RPL30: variants seen among roughly 807,000 people sequenced by gnomAD.
RPL30 encodes large ribosomal subunit protein eL30.
For synonymous variants in RPL30, 40 were observed against 50.4 expected, an observed-to-expected ratio of 0.79 and a Z score of 0.87; for missense variants, 60 against 138.0, an observed-to-expected ratio of 0.43 and a Z score of 2.83.
chr8:98,042,846 C>CTT (rs1814404408), intron 3 of RPL30, 71 bp from the exon 4 acceptor site: 12 of 1,397,792 alleles, frequency 8.6e-6, no homozygotes, highest in Non-Finnish European at 1.1e-5. Context: ...GTTACTACTT[C>CTT]TTTTACTAGT....
At chr8:98,044,908 G>A in intron 3 of RPL30, 35 bp downstream of exon 3, 3 of 1,603,098 alleles carry the variant, frequency 1.9e-6, no homozygotes, top group Non-Finnish European at 2.6e-6. Context: ...CGATGAATTC[G>A]CGGTAGGCGA....
intron 3 of RPL30, chr8:98,043,483 G>A (rs1814420008): frequency 6.7e-6 from 1 of 148,972 alleles, no homozygotes; most frequent in Admixed American, 6.7e-5. Context: ...AGTAAGTGGA[G>A]GATCCAGAAT....
intron 4 of RPL30, chr8:98,042,131 G>T (rs758986435): frequency 3.2e-6 from 2 of 625,768 alleles, no homozygotes; most frequent in South Asian, 2.8e-5. Context: ...AAAGAACTAG[G>T]TTTGGGGACA....
intron 2 of RPL30, 87 bp downstream of exon 2, chr8:98,045,260 G>A: frequency 6.3e-7 from 1 of 1,588,824 alleles, no homozygotes; most frequent in Non-Finnish European, 8.6e-7. Context: ...CAGGCATGCT[G>A]TCACCCCCGT....
At position 98,045,399 on chromosome 8, in the gene RPL30, C is replaced by T. The variant is rs777764208; in HGVS notation, c.-32G>A. 3.1e-6 allele frequency: 5 copies of T among 1,613,868 alleles called. No individual in the cohort carries two copies. The highest frequency in any genetic ancestry group is 4.2e-6 in the Non-Finnish European group (5 of 1,179,912). On this transcript the variant is annotated splice_region_variant and 5_prime_UTR_variant, in exon 2 of 5. Transcript: ENST00000287038. ...GCCTTAGGAGCGGGACGGCCCCCAA[C>T]CTAGAAGAGACAGAGAACAGGACAG...
At chr8:98,042,026 A>C in intron 4 of RPL30, 176 bp from the exon 5 acceptor site, 1 of 717,848 alleles carries the variant, frequency 1.4e-6, no homozygotes, top group Non-Finnish European at 2.5e-6. Context: ...AGGTTGACCA[A>C]AGATAACCTA....
At chr8:98,044,478 A>C (rs1461682501) in intron 3 of RPL30, 1 of 156,926 alleles carries the variant, frequency 6.4e-6, no homozygotes, top group African/African-American at 2.4e-5. Context: ...TCAAGCATAA[A>C]TCTTGACTCA....
At position 98,044,645 on chromosome 8, in the gene RPL30, G is replaced by A. The variant is rs1333905517; in HGVS notation, c.167+298C>T. On this transcript the variant is annotated intron_variant, in intron 3 of 4. Coordinates refer to ENST00000287038, the MANE Select transcript of RPL30 (RefSeq NM_000989.4). ...AAAGCTAAAAGAACCAAAAAAGCAG[G>A]ACACAAAATACATGGAAAAAACAGT... 9.1e-6 allele frequency: 3 copies of A among 331,004 alleles called. No homozygotes were observed. The East Asian group carries it at 1.7e-4, about 18-fold the overall frequency. 20.5% of individuals were successfully genotyped at this position (331,004 alleles called of 1,614,324 possible).
intron 4 of RPL30, 61 bp from the exon 5 acceptor site, chr8:98,041,911 T>A (rs141159921): frequency 2.5e-6 from 3 of 1,204,150 alleles, no homozygotes; most frequent in Non-Finnish European, 3.6e-6. Flanking sequence ...ACTGGTACCA[T>A]AAAATTTCTC....
rs1472872617 is a variant in RPL30, at chr8:98,041,786, T to A, written c.*15A>T. ...GGTTTAAGGTTTGCAGGTGAAATTTTGTAGGTGAAAAGGTTTACTTTTCAC... is the reference window on the plus strand; with the variant it reads ...GGTTTAAGGTTTGCAGGTGAAATTTAGTAGGTGAAAAGGTTTACTTTTCAC... On this transcript the variant is annotated 3_prime_UTR_variant, in exon 5 of 5. Coordinates refer to ENST00000287038, the MANE Select transcript of RPL30 (RefSeq NM_000989.4). The A allele has an allele frequency of 3.3e-5, 52 of 1,580,662 alleles. No individual in the cohort carries two copies. Among genetic ancestry groups the A allele is most frequent in the Non-Finnish European group, 4.4e-5 (51 of 1,160,630 alleles).
chr8:98,045,520 C>T lies in RPL30; in HGVS notation c.-45G>A. 1 of 715,170 alleles carries T rather than the reference C, an allele frequency of 1.4e-6. No individual in the cohort carries two copies. The highest frequency in any genetic ancestry group is 2.5e-5 in the Admixed American group (1 of 39,690). The allele number at this position is 715,170 out of a possible 1,614,324, so 44.3% of individuals were successfully genotyped here. On this transcript the variant is annotated 5_prime_UTR_variant, in exon 1 of 5. Coordinates refer to ENST00000287038, the MANE Select transcript of RPL30 (RefSeq NM_000989.4). ...GGAGCCCACTCACCAACAGCAGCCG[C>T]TAAGATGGCCGGGGAACGAGAAAGG... is the stretch of plus-strand genomic sequence containing the variant.
At chr8:98,042,119 G>A (rs930199803) in intron 4 of RPL30, 1 of 637,876 alleles carries the variant, frequency 1.6e-6, no homozygotes, top group Admixed American at 1.8e-5. Flanking sequence ...CCAGACCTAG[G>A]GAAAGAACTA....
chr8:98,045,391 G>A lies in RPL30; in HGVS notation c.-24C>T. On this transcript the variant is annotated 5_prime_UTR_variant, in exon 2 of 5. Transcript: ENST00000287038. ...ATCTTCCTGCCTTAGGAGCGGGACGGCCCCCAACCTAGAAGAGACAGAGAA... is the reference window on the plus strand; with the variant it reads ...ATCTTCCTGCCTTAGGAGCGGGACGACCCCCAACCTAGAAGAGACAGAGAA... The A allele has an allele frequency of 1.9e-6, 3 of 1,614,056 alleles. No individual in the cohort carries two copies. The highest frequency in any genetic ancestry group is 1.7e-6 in the Non-Finnish European group (2 of 1,179,976).
intron 3 of RPL30, chr8:98,043,088 C>G (rs1384730399): frequency 5.4e-6 from 1 of 184,484 alleles, no homozygotes; most frequent in African/African-American, 2.3e-5. Flanking sequence ...GTAAGGACCA[C>G]ATACTTTATA....
chr8:98,043,595 C>A (rs1024865846), intron 3 of RPL30: 2 of 151,556 alleles, frequency 1.3e-5, no homozygotes, highest in African/African-American at 4.9e-5. Context: ...TCTGGCCTCA[C>A]GCGTGTAATC....
chr8:98,042,839 AC>A, intron 3 of RPL30, 64 bp from the exon 4 acceptor site: 1 of 1,445,278 alleles, frequency 6.9e-7, no homozygotes, highest in Non-Finnish European at 9.2e-7. Context: ...ACTAAATGTT[AC>A]TACTTCTTTT....
At chr8:98,043,396 G>A (rs1814415786) in intron 3 of RPL30, 1 of 149,176 alleles carries the variant, frequency 6.7e-6, no homozygotes, top group Non-Finnish European at 1.5e-5. Flanking sequence ...AAAGTGCTGG[G>A]ATTACAGGTG....
At position 98,042,766 on chromosome 8, in the gene RPL30, T is replaced by C; in HGVS notation, c.177A>G (p.Glu59=). 1 of 1,561,434 alleles carries C rather than the reference T, an allele frequency of 6.4e-7. No individual in the cohort carries two copies. Among genetic ancestry groups the C allele is most frequent in the East Asian group, 2.3e-5 (1 of 43,534 alleles). ...TAGCCAACATAGCATAGTACTCTAT[T>C]TCAGATTTCCTTTGGGAACCAAAAT... is the stretch of plus-strand genomic sequence containing the variant. ...ANNCPALRKS[E]IEYYAMLAKT... Residue 59 remains glutamate (E), a synonymous_variant, in exon 4 of 5, where the codon GAA becomes GAG. Coordinates refer to ENST00000287038, the MANE Select transcript of RPL30 (RefSeq NM_000989.4).
chr8:98,042,536 T>C lies in RPL30; in HGVS notation c.298+109A>G, dbSNP rs547370727. On this transcript the variant is annotated intron_variant, in intron 4 of 4. Transcript: ENST00000287038. ...CACGATATGCCTTGCTAGATCCATA[T>C]TCTATCTGAATTTAGGAACCAAAGA... 9.4e-6 allele frequency: 10 copies of C among 1,063,338 alleles called. No individual in the cohort carries two copies. In the South Asian group the frequency reaches 1.5e-4, roughly 16 times the overall value. The allele number at this position is 1,063,338 out of a possible 1,614,324, so 65.9% of individuals were successfully genotyped here. A position where few individuals can be genotyped will look rare whatever the true frequency, so the allele number is the denominator to read the frequency against.
Sources: allele counts gnomAD v4.1 joint callset, GRCh38; gene constraint gnomAD v4.1.1; transcripts MANE v1.5; gene names NCBI Gene and HGNC (gene_info 2026-07-23, HGNC 2026-07-21).